CASC3: variants seen among roughly 807,000 people sequenced by gnomAD.
CASC3 encodes CASC3 exon junction complex subunit, also known as protein CASC3.
In CASC3, 30 loss-of-function variants were observed where a neutral mutation model predicts 80.5. That is an observed-to-expected ratio of 0.37 (90% CI 0.28 to 0.51). The LOEUF (loss-of-function observed/expected upper bound fraction) is 0.51. CASC3 is among the 20% of genes least tolerant of loss of function. The pLI, the probability that CASC3 is intolerant of heterozygous loss-of-function variation, is 0.94. For synonymous variants in CASC3, 312 were observed against 333.6 expected, an observed-to-expected ratio of 0.94 and a Z score of 0.70; for missense variants, 824 against 922.2, an observed-to-expected ratio of 0.89 and a Z score of 1.38.
Position 40,163,845 on chromosome 17 carries a change from C to T in CASC3, c.1150C>T (p.Pro384Ser). The change falls in exon 7 of 14, where the codon CCA (proline) becomes TCA (serine). Residue 384 changes from proline (P) to serine (S), a missense_variant. This residue lies in a region of CASC3 where 464 missense variants were observed against 506.0 expected (regional missense o/e 0.92). Transcript: ENST00000264645. ...GAAGGAAGAGGCAGCCTCAGAGCCA[C>T]CAGCTGCTGCTCCTGATGCTGCACC... The part of the protein sequence containing the change: ...PEKEEAASEP[P>S]AAAPDAAPPP... The T allele has an allele frequency of 6.2e-7, 1 of 1,614,170 alleles. No individual in the cohort carries two copies. The highest frequency in any genetic ancestry group is 8.5e-7 in the Non-Finnish European group (1 of 1,180,032).
chr17:40,159,178 A>G (rs1989226311), intron 3 of CASC3, among the ~76,000 whole-genome samples: 1 of 152,122 alleles, frequency 6.6e-6, no homozygotes, highest in Non-Finnish European at 1.5e-5. Flanking sequence ...TCAAGGCTAT[A>G]GTCAGTTGAG....
At position 40,171,744 on chromosome 17, in the gene CASC3, A is replaced by G. The variant is rs75112288; in HGVS notation, c.*1339A>G. 34 of 1,146,676 alleles carry G rather than the reference A, an allele frequency of 3.0e-5. No individual in the cohort carries two copies. In the African/African-American group the frequency reaches 3.1e-4, roughly 10 times the overall value. 71.0% of individuals were successfully genotyped at this position (1,146,676 alleles called of 1,614,324 possible). A position where few individuals can be genotyped will look rare whatever the true frequency, so the allele number is the denominator to read the frequency against. On this transcript the variant is annotated 3_prime_UTR_variant, in exon 14 of 14. Coordinates refer to ENST00000264645, the MANE Select transcript of CASC3 (RefSeq NM_007359.5). ...ACCTGGCCACTGTCCCTGTCCTTCT[A>G]CAGAACCTGAGGGCAAAGATGGTGG...
At chr17:40,144,157 G>A (rs1294416904) in intron 3 of CASC3, among the ~76,000 whole-genome samples, 2 of 151,808 alleles carry the variant, frequency 1.3e-5, no homozygotes, top group Non-Finnish European at 2.9e-5. Context: ...GACTCAGGAG[G>A]CTGAGGCAGG....
At chr17:40,154,812 T>C (rs1288847504) in intron 3 of CASC3, among the ~76,000 whole-genome samples, 4 of 152,178 alleles carry the variant, frequency 2.6e-5, no homozygotes, top group South Asian at 2.1e-4. Flanking sequence ...AAGAGTTTTA[T>C]AGTTTCAACT....
In CASC3 at chr17:40,154,534, A is replaced by AT. The variant is rs201636612; in HGVS notation, c.298-7206dup. ...CAGGTGTGAGCCACTGCGCTTGGCC[A>AT]TTTTTTTTTTTTTAATTGAGATGTA... is the stretch of plus-strand genomic sequence containing the variant. On this transcript the variant is annotated intron_variant, in intron 3 of 13. Coordinates refer to ENST00000264645, the MANE Select transcript of CASC3 (RefSeq NM_007359.5). Among the ~76,000 whole-genome samples the AT allele has an allele frequency of 8.2e-3, 1,138 of 138,620 alleles. 10 individuals are homozygous for AT. Among genetic ancestry groups the AT allele is most frequent in the African/African-American group, 0.026 (989 of 37,724 alleles). 90.9% of individuals were successfully genotyped at this position (138,620 alleles called of 152,430 possible).
intron 3 of CASC3, among the ~76,000 whole-genome samples, chr17:40,143,608 G>T (rs1988778364): frequency 6.6e-6 from 1 of 151,072 alleles, no homozygotes. Context: ...GAGGTGGGTG[G>T]ATAACAAGGT....
chr17:40,169,742 CTTTTTTTTTTTTTTTTT>C (rs56186811), intron 13 of CASC3, 80 bp downstream of exon 13: 12 of 96,498 alleles, frequency 1.2e-4, no homozygotes, highest in Admixed American at 2.7e-4. Flanking sequence ...TTAATTAATG[CTTTTTTTTTTTTTTTTT>C]TTTTTTTTTT....
At chr17:40,145,184 G>A (rs545136977) in intron 3 of CASC3, among the ~76,000 whole-genome samples, 1 of 145,378 alleles carries the variant, frequency 6.9e-6, no homozygotes, top group South Asian at 2.2e-4. Context: ...GTTTTGTTTT[G>A]TTTTTTAAGA....
chr17:40,152,881 ATTC>A (rs1215728728), intron 3 of CASC3, among the ~76,000 whole-genome samples: 5 of 152,154 alleles, frequency 3.3e-5, no homozygotes, highest in African/African-American at 9.6e-5. Flanking sequence ...GGTTCAAGCA[ATTC>A]TTCTGCCTCA....
Position 40,171,446 on chromosome 17 carries a change from C to T in CASC3, c.*1041C>T. On this transcript the variant is annotated 3_prime_UTR_variant, in exon 14 of 14. Transcript: ENST00000264645. ...GCATCTCTTTAAAGGCAAATATTAT[C>T]CAGCAAGCAGTCTACCCTGTCCTTT... The T allele has an allele frequency of 1.0e-6, 1 of 986,206 alleles. No homozygotes were observed. 61.1% of individuals were successfully genotyped at this position (986,206 alleles called of 1,614,324 possible). A position where few individuals can be genotyped will look rare whatever the true frequency, so the allele number is the denominator to read the frequency against.
intron 3 of CASC3, among the ~76,000 whole-genome samples, chr17:40,146,127 A>G (rs560104877): frequency 2.2e-4 from 33 of 152,298 alleles, no homozygotes; most frequent in African/African-American, 7.7e-4. Context: ...TTTTGTCCAC[A>G]GTGAAGAGAA....
At position 40,162,721 on chromosome 17, in the gene CASC3, C is replaced by G; in HGVS notation, c.609-4C>G. ...CCAAGACACTTTTCCTTCATTTTAT[C>G]CAGACCCAAGGGGCGTCAGCGAAAG... On this transcript the variant is annotated splice_region_variant and splice_polypyrimidine_tract_variant and intron_variant, in intron 5 of 13. Coordinates refer to ENST00000264645, the MANE Select transcript of CASC3 (RefSeq NM_007359.5). 1.2e-6 allele frequency: 2 copies of G among 1,612,852 alleles called. No individual in the cohort carries two copies. Among genetic ancestry groups the G allele is most frequent in the Non-Finnish European group, 1.7e-6 (2 of 1,179,676 alleles).
At chr17:40,143,097 AAATAAAT>A (rs1199206508) in intron 3 of CASC3, among the ~76,000 whole-genome samples, 1 of 151,534 alleles carries the variant, frequency 6.6e-6, no homozygotes, top group East Asian at 1.9e-4. Flanking sequence ...AAAAAAAAAA[AAATAAAT>A]AAATAAAAGA....
At chr17:40,159,588 A>G (rs1278266140) in intron 3 of CASC3, among the ~76,000 whole-genome samples, 1 of 139,256 alleles carries the variant, frequency 7.2e-6, no homozygotes, top group Non-Finnish European at 1.5e-5. Context: ...CTCTGTTGCT[A>G]AGACTGGAGC....
chr17:40,167,436 G>A (rs1276598942), intron 8 of CASC3, 62 bp from the exon 9 acceptor site: 21 of 1,183,502 alleles, frequency 1.8e-5, no homozygotes, highest in Non-Finnish European at 2.5e-5. Context: ...CTAAAGGAAG[G>A]TAGGACTTGA....
rs1989542746 is a variant in CASC3 at position 40,169,590 on chromosome 17, T to TAA, written c.2089-7_2089-6insAA. 6.3e-7 allele frequency: 1 copy of TAA among 1,595,184 alleles called. No homozygotes were observed. Among genetic ancestry groups the TAA allele is most frequent in the East Asian group, 2.2e-5 (1 of 44,672 alleles). On this transcript the variant is annotated splice_polypyrimidine_tract_variant and splice_region_variant and intron_variant, in intron 12 of 13. Transcript: ENST00000264645. ...ACCTGATAACAAATTCCAACTTTGTTATTTCAGGTTGTAAGCAGGGGTTCC... is the reference window on the plus strand; with the variant it reads ...ACCTGATAACAAATTCCAACTTTGTTAAATTTCAGGTTGTAAGCAGGGGTTCC...
intron 3 of CASC3, among the ~76,000 whole-genome samples, chr17:40,149,411 C>A (rs1328182046): frequency 6.6e-6 from 1 of 150,690 alleles, no homozygotes; most frequent in Admixed American, 6.6e-5. Flanking sequence ...CTGTGCCTGG[C>A]CAAAAAAACT....
In CASC3 at chr17:40,170,574, G is replaced by GCA. The variant is rs1248928899; in HGVS notation, c.*169_*170insCA. The GCA allele has an allele frequency of 9.1e-6, 9 of 985,472 alleles. No homozygotes were observed. Among genetic ancestry groups the GCA allele is most frequent in the Non-Finnish European group, 1.1e-5 (9 of 829,976 alleles). The allele number at this position is 985,472 out of a possible 1,614,324, so 61.0% of individuals were successfully genotyped here. A position where few individuals can be genotyped will look rare whatever the true frequency, so the allele number is the denominator to read the frequency against. ...GAGGAGGACCCCTGCCTTCCTCTGA[G>GCA]GACAGGCTCTAGAGAGAGGGAGAAA... On this transcript the variant is annotated 3_prime_UTR_variant, in exon 14 of 14. Coordinates refer to ENST00000264645, the MANE Select transcript of CASC3 (RefSeq NM_007359.5).
rs56186811 is a variant in CASC3, at chr17:40,169,742, C to CTTTTT, written c.*41+107_*41+111dup. The CTTTTT allele has an allele frequency of 4.5e-4, 43 of 96,518 alleles. 6 individuals carry two copies. Among genetic ancestry groups the CTTTTT allele is most frequent in the African/African-American group, 1.6e-3 (19 of 11,730 alleles). 6.0% of individuals were successfully genotyped at this position (96,518 alleles called of 1,614,324 possible). On this transcript the variant is annotated intron_variant, in intron 13 of 13. Transcript: ENST00000264645. ...ATAAACAAAAATCACTTAATTAATG[C>CTTTTT]TTTTTTTTTTTTTTTTTTTTTTTTT...
Sources: allele counts gnomAD v4.1 joint callset (sites outside exome capture counted in the v4.1 genomes callset), GRCh38; gene constraint gnomAD v4.1.1; regional missense constraint gnomAD v4.1.1; transcripts MANE v1.5; gene names NCBI Gene and HGNC (gene_info 2026-07-23, HGNC 2026-07-21).